ERCC8: variants seen among roughly 807,000 people sequenced by gnomAD.
ERCC8 encodes the protein DNA excision repair protein ERCC-8.
A neutral mutation model predicts 54.9 loss-of-function variants in ERCC8; 52 were observed. That is an observed-to-expected ratio of 0.95 (90% CI 0.76 to 1.19). ERCC8 has a LOEUF of 1.19. Among genes scored for constraint, ERCC8 ranks in the 50% most tolerant of loss-of-function variants. The pLI is 0.00. For synonymous variants in ERCC8, 146 were observed against 157.2 expected (o/e 0.93, Z 0.53); for missense variants, 514 against 466.1 (o/e 1.10, Z -0.95).
chr5:60,885,496 G>A (rs1748368182), intron 11 of ERCC8, among the ~76,000 whole-genome samples: 1 of 152,062 alleles, frequency 6.6e-6, no homozygotes, highest in Non-Finnish European at 1.5e-5. Context: ...TTCCCAAAGA[G>A]CAGGACACAA....
chr5:60,882,579 G>A (rs1243622632), intron 11 of ERCC8, among the ~76,000 whole-genome samples: 1 of 151,970 alleles, frequency 6.6e-6, no homozygotes, highest in African/African-American at 2.4e-5. Flanking sequence ...AGTAGAGATG[G>A]GGTTTCACCA....
chr5:60,921,653 CT>C (rs1215185040), intron 3 of ERCC8, among the ~76,000 whole-genome samples: 2 of 151,630 alleles, frequency 1.3e-5, no homozygotes, highest in East Asian at 3.8e-4. Context: ...ATATCTAAAC[CT>C]TTTTCTTCCA....
rs1306383598 is a variant in ERCC8 at position 60,945,004 on chromosome 5, A to G, written c.5T>C (p.Leu2Pro). The G allele has an allele frequency of 2.5e-6, 4 of 1,613,876 alleles. No homozygotes were observed. Among genetic ancestry groups the G allele is most frequent in the South Asian group, 1.1e-5 (1 of 91,068 alleles). M[L>P]GFLSARQTGL... ...CGTTTGGCGTGCGGACAAAAACCCCAGCATATCGTGTCCTCACACCGGCTG... is the reference window on the plus strand; with the variant it reads ...CGTTTGGCGTGCGGACAAAAACCCCGGCATATCGTGTCCTCACACCGGCTG... Residue 2 changes from leucine (L) to proline (P), a missense_variant, in exon 1 of 12, where the codon CTG becomes CCG. Coordinates refer to ENST00000676185, the MANE Select transcript of ERCC8 (RefSeq NM_000082.4).
Position 60,874,068 on chromosome 5 carries a change from C to A in ERCC8, c.*547G>T, listed in dbSNP as rs1747925654. ...GATGCACATTTTGGATAGTAGGAGA[C>A]ATTGAGCCCCAAAATGTTTAACATA... On this transcript the variant is annotated 3_prime_UTR_variant, in exon 12 of 12. Transcript: ENST00000676185. 6.6e-6 allele frequency: 1 copy of A among 152,352 alleles called. No homozygotes were observed. Among genetic ancestry groups the A allele is most frequent in the South Asian group, 2.1e-4 (1 of 4,838 alleles). 9.4% of individuals were successfully genotyped at this position (152,352 alleles called of 1,614,324 possible).
intron 11 of ERCC8, among the ~76,000 whole-genome samples, chr5:60,875,236 T>G (rs543578855): frequency 1.3e-5 from 2 of 152,372 alleles, no homozygotes; most frequent in African/African-American, 4.8e-5. Context: ...GATATTTATG[T>G]ACTTATTTGT....
intron 1 of ERCC8, among the ~76,000 whole-genome samples, chr5:60,939,172 T>A (rs1750181100): frequency 6.6e-6 from 1 of 152,216 alleles, no homozygotes; most frequent in African/African-American, 2.4e-5. Context: ...GAAGTTGCTA[T>A]TCATTTCCAT....
rs375518465 is a variant in ERCC8, at chr5:60,928,975, G to C, written c.78-16C>G. ...TCCCAAAACTCTTAAAAATAAAAGG[G>C]GGAGAAAGAAATTAACAAGTAATTT... On this transcript the variant is annotated splice_polypyrimidine_tract_variant and intron_variant, in intron 1 of 11. Coordinates refer to ENST00000676185, the MANE Select transcript of ERCC8 (RefSeq NM_000082.4). The C allele has an allele frequency of 1.1e-5, 15 of 1,417,082 alleles. No individual in the cohort carries two copies. The highest frequency in any genetic ancestry group is 1.4e-5 in the Non-Finnish European group (14 of 1,004,378). 87.8% of individuals were successfully genotyped at this position (1,417,082 alleles called of 1,614,324 possible).
intron 6 of ERCC8, among the ~76,000 whole-genome samples, chr5:60,902,714 A>G (rs1748938570): frequency 6.6e-6 from 1 of 152,036 alleles, no homozygotes; most frequent in Admixed American, 6.6e-5. Context: ...ATTTTATTGT[A>G]AAAGAACTGG....
intron 9 of ERCC8, chr5:60,893,760 G>T: frequency 5.8e-6 from 2 of 347,020 alleles, no homozygotes; most frequent in Non-Finnish European, 1.0e-5. Flanking sequence ...GAGGGGGCGG[G>T]GCTTCTCCCT....
intron 11 of ERCC8, among the ~76,000 whole-genome samples, chr5:60,887,052 G>A (rs1207006514): frequency 6.6e-6 from 1 of 152,128 alleles, no homozygotes; most frequent in East Asian, 1.9e-4. Flanking sequence ...TATGAACTAT[G>A]TTAAAAAACA....
At chr5:60,904,634 G>GTGTATATATATATATA (rs1406862264) in intron 5 of ERCC8, among the ~76,000 whole-genome samples, 158 bp downstream of exon 5, 1 of 49,938 alleles carries the variant, frequency 2.0e-5, no homozygotes, top group Non-Finnish European at 3.6e-5. Context: ...GTGTGTGTGT[G>GTGTATATATATATATA]TATATATATA....
intron 1 of ERCC8, among the ~76,000 whole-genome samples, chr5:60,933,545 C>T (rs536352967): frequency 6.6e-6 from 1 of 152,156 alleles, no homozygotes; most frequent in African/African-American, 2.4e-5. Context: ...CTATATATTA[C>T]TTAGTTTTTG....
intron 1 of ERCC8, among the ~76,000 whole-genome samples, chr5:60,939,489 T>A (rs1750193339): frequency 6.6e-6 from 1 of 152,096 alleles, no homozygotes; most frequent in Non-Finnish European, 1.5e-5. Context: ...TTTTTTTTAA[T>A]TTTTAGATAA....
intron 4 of ERCC8, among the ~76,000 whole-genome samples, chr5:60,906,505 G>C (rs1379164006): frequency 6.6e-6 from 1 of 151,888 alleles, no homozygotes; most frequent in African/African-American, 2.4e-5. Flanking sequence ...GAGGCAGGCG[G>C]ATCACTTGAG....
At chr5:60,881,192 A>G (rs543352993) in intron 11 of ERCC8, among the ~76,000 whole-genome samples, 1 of 152,134 alleles carries the variant, frequency 6.6e-6, no homozygotes, top group Non-Finnish European at 1.5e-5. Context: ...GGTGAATAGC[A>G]AATGTTGCTA....
chr5:60,891,994 A>G (rs1748576105), intron 9 of ERCC8: 1 of 530,238 alleles, frequency 1.9e-6, no homozygotes, highest in African/African-American at 1.9e-5. Flanking sequence ...GGAATCAGAC[A>G]GCTCCCTGGG....
chr5:60,875,420 T>G lies in ERCC8; in HGVS notation c.1123-737A>C, dbSNP rs4647146. ...TGTTTATTTAAAACAACAAGGTGAT[T>G]AGCAACTACAGAAATTTTAATCATC... is the stretch of plus-strand genomic sequence containing the variant. On this transcript the variant is annotated intron_variant, in intron 11 of 11. Transcript: ENST00000676185. 1.5e-3 allele frequency among the ~76,000 whole-genome samples: 236 copies of G among 152,326 alleles called. 1 individual carries two copies. The highest frequency in any genetic ancestry group is 5.5e-3 in the African/African-American group (229 of 41,580).
rs376992282 is a variant in ERCC8, at chr5:60,932,947, T to TA, written c.78-3989dup. On this transcript the variant is annotated intron_variant, in intron 1 of 11. Coordinates refer to ENST00000676185, the MANE Select transcript of ERCC8 (RefSeq NM_000082.4). ...ACAAAAAGCAAGCCCTGGTGTCTTT[T>TA]AAAATCACCTTTCCAATCTCTTTTT... is the stretch of plus-strand genomic sequence containing the variant. Among the ~76,000 whole-genome samples the TA allele has an allele frequency of 1.5e-3, 236 of 152,276 alleles. 1 individual carries two copies. The highest frequency in any genetic ancestry group is 5.5e-3 in the African/African-American group (229 of 41,560).
At chr5:60,935,393 TG>T (rs1251511864) in intron 1 of ERCC8, among the ~76,000 whole-genome samples, 1 of 152,214 alleles carries the variant, frequency 6.6e-6, no homozygotes, top group Non-Finnish European at 1.5e-5. Flanking sequence ...TTTTGTATCC[TG>T]AAACTTCGCT....
Sources: gnomAD v4.1 joint callset for allele counts (sites outside exome capture counted in the v4.1 genomes callset) on GRCh38, gnomAD v4.1.1 for gene constraint, MANE v1.5 for transcripts, NCBI Gene and HGNC (gene_info 2026-07-23, HGNC 2026-07-21) for gene names.